SRPK2: variants seen among roughly 807,000 people sequenced by gnomAD.
SRPK2 encodes the protein SFRS protein kinase 2.
In SRPK2, 21 loss-of-function variants were observed where a neutral mutation model predicts 90.8. The observed-to-expected ratio is 0.23, with a 90% confidence interval of 0.16 to 0.33. SRPK2 has a LOEUF of 0.33. Ranked by LOEUF, SRPK2 falls within the 10% of genes least tolerant of loss-of-function variation. The pLI is 1.00. For missense variants in SRPK2, 620 were observed against 869.0 expected (o/e 0.71, Z 3.60); for synonymous variants, 288 against 311.1 (o/e 0.93, Z 0.78).
At chr7:105,325,551 CAAAAA>C (rs34722293) in intron 2 of SRPK2, among the ~76,000 whole-genome samples, 3 of 71,496 alleles carry the variant, frequency 4.2e-5, no homozygotes, top group Non-Finnish European at 5.3e-5. Flanking sequence ...TTTCTCAAGG[CAAAAA>C]AAAAAAAAAA....
chr7:105,257,645 T>G (rs1306689211), intron 2 of SRPK2, among the ~76,000 whole-genome samples: 1 of 152,182 alleles, frequency 6.6e-6, no homozygotes, highest in African/African-American at 2.4e-5. Context: ...TGGCTCAGGC[T>G]TGGAGCCTTT....
chr7:105,366,722 T>C (rs1337650558), intron 2 of SRPK2, among the ~76,000 whole-genome samples: 3 of 152,214 alleles, frequency 2.0e-5, no homozygotes, highest in African/African-American at 4.8e-5. Context: ...GCATTTTCAA[T>C]ACAAGATAAA....
At chr7:105,210,796 C>T (rs944470888) in intron 2 of SRPK2, among the ~76,000 whole-genome samples, 6 of 152,146 alleles carry the variant, frequency 3.9e-5, no homozygotes, top group Admixed American at 1.3e-4. Context: ...GGAAGCGGAG[C>T]GGCGGGCTCC....
chr7:105,203,600 C>T (rs1795829214), intron 3 of SRPK2, 28 bp downstream of exon 3: 1 of 1,461,586 alleles, frequency 6.8e-7, no homozygotes, highest in Non-Finnish European at 9.0e-7. Flanking sequence ...GGAAGGCAAG[C>T]CCCACACCAC....
chr7:105,223,197 CA>C (rs1271028628), intron 2 of SRPK2, among the ~76,000 whole-genome samples: 1 of 152,208 alleles, frequency 6.6e-6, no homozygotes. Context: ...ATCCAAAAAA[CA>C]TCTGTCATCT....
intron 3 of SRPK2, among the ~76,000 whole-genome samples, chr7:105,188,055 T>C (rs938296268): frequency 2.0e-5 from 3 of 152,184 alleles, no homozygotes; most frequent in Non-Finnish European, 4.4e-5. Flanking sequence ...AAAACAAATG[T>C]ACACTTTAAC....
At chr7:105,154,680 AC>A (rs1806231601) in intron 7 of SRPK2, among the ~76,000 whole-genome samples, 1 of 152,002 alleles carries the variant, frequency 6.6e-6, no homozygotes, top group Admixed American at 6.6e-5. Flanking sequence ...TAATGGCTAT[AC>A]TTTTTTTGTT....
chr7:105,216,153 T>C (rs1797432943), intron 2 of SRPK2, among the ~76,000 whole-genome samples: 9 of 152,154 alleles, frequency 5.9e-5, no homozygotes, highest in Admixed American at 5.9e-4. Flanking sequence ...TGGTATACTT[T>C]AAATGGGTAA....
chr7:105,370,861 C>A (rs1314436556), intron 2 of SRPK2, among the ~76,000 whole-genome samples: 2 of 151,966 alleles, frequency 1.3e-5, no homozygotes, highest in East Asian at 3.9e-4. Flanking sequence ...GGCAATCCAC[C>A]CGCTTAGGCC....
chr7:105,205,517 T>TCTCTCACACACA (rs1491532268), intron 2 of SRPK2, among the ~76,000 whole-genome samples: 3 of 95,794 alleles, frequency 3.1e-5, no homozygotes, highest in African/African-American at 1.1e-4. Flanking sequence ...TCTCTCTCTC[T>TCTCTCACACACA]CACACACACA....
chr7:105,295,494 A>T (rs528092653), intron 2 of SRPK2, among the ~76,000 whole-genome samples: 2 of 152,190 alleles, frequency 1.3e-5, no homozygotes, highest in Non-Finnish European at 2.9e-5. Flanking sequence ...CACATGCTAC[A>T]AGATGGATAA....
chr7:105,175,738 G>A (rs1322608544), intron 3 of SRPK2, among the ~76,000 whole-genome samples: 9 of 151,954 alleles, frequency 5.9e-5, no homozygotes, highest in Non-Finnish European at 1.2e-4. Flanking sequence ...ATATTATCAT[G>A]TTATACCTAT....
intron 3 of SRPK2, among the ~76,000 whole-genome samples, chr7:105,196,218 T>C (rs1207497577): frequency 2.6e-5 from 4 of 152,218 alleles, no homozygotes; most frequent in Admixed American, 2.6e-4. Context: ...AGGGTTTCTT[T>C]TTAAGGCTTG....
intron 2 of SRPK2, among the ~76,000 whole-genome samples, chr7:105,234,096 G>A (rs1052560586): frequency 6.6e-6 from 1 of 151,946 alleles, no homozygotes; most frequent in African/African-American, 2.4e-5. Flanking sequence ...TTAGATCCCT[G>A]TTTTAAACAG....
chr7:105,240,898 T>A (rs566301962), intron 2 of SRPK2, among the ~76,000 whole-genome samples: 36 of 152,346 alleles, frequency 2.4e-4, no homozygotes, highest in Admixed American at 7.8e-4. Flanking sequence ...GTCAGTACTA[T>A]GCCAGTTCAC....
chr7:105,394,885 A>G (rs1450531801), intron 1 of SRPK2, among the ~76,000 whole-genome samples: 1 of 152,222 alleles, frequency 6.6e-6, no homozygotes, highest in Non-Finnish European at 1.5e-5. Flanking sequence ...AAACAAAACA[A>G]AACAGCCGGG....
At chr7:105,378,042 T>C (rs1264636783) in intron 2 of SRPK2, among the ~76,000 whole-genome samples, 6 of 152,192 alleles carry the variant, frequency 3.9e-5, no homozygotes, top group South Asian at 4.1e-4. Context: ...AGTCCTTCGT[T>C]TGACTTCCTC....
intron 2 of SRPK2, among the ~76,000 whole-genome samples, chr7:105,307,164 G>C (rs2075286998): frequency 6.6e-6 from 1 of 152,130 alleles, no homozygotes. Context: ...CTGGGTGGGA[G>C]GGGAGGTAAT....
chr7:105,250,403 G>C (rs1478981345), intron 2 of SRPK2, among the ~76,000 whole-genome samples: 1 of 122,868 alleles, frequency 8.1e-6, no homozygotes, highest in South Asian at 2.9e-4. Context: ...TGCAAACAAT[G>C]CAAGAAAAAA....
Sources: gnomAD v4.1 joint callset for allele counts (sites outside exome capture counted in the v4.1 genomes callset) on GRCh38, gnomAD v4.1.1 for gene constraint, MANE v1.5 for transcripts, NCBI Gene and HGNC (gene_info 2026-07-23, HGNC 2026-07-21) for gene names.